Variants in WWC1 observed in about 807,000 individuals in gnomAD.
WWC1 encodes WW and C2 domain containing 1.
A neutral mutation model predicts 138.4 loss-of-function variants in WWC1; 55 were observed. The ratio of observed to expected loss-of-function variants is 0.40; its 90% CI spans 0.32 to 0.50. The LOEUF is 0.50. Ranked by LOEUF, WWC1 falls within the 20% of genes least tolerant of loss-of-function variation. The pLI is 0.72. For synonymous variants in WWC1, 524 were observed against 564.9 expected (o/e 0.93, Z 1.03); for missense variants, 1,226 against 1,420.4 (o/e 0.86, Z 2.20).
At chr5:168,316,859 G>GA (rs1250048288) in intron 1 of WWC1, 1 of 152,166 alleles carries the variant, frequency 6.6e-6, no homozygotes, top group Non-Finnish European at 1.5e-5. Flanking sequence ...TTCTTTATGA[G>GA]AATGTTGTTT....
intron 3 of WWC1, among the ~76,000 whole-genome samples, chr5:168,390,366 G>A (rs1014470216): frequency 6.6e-6 from 1 of 152,122 alleles, no homozygotes; most frequent in Non-Finnish European, 1.5e-5. Flanking sequence ...TCAAAGGAAG[G>A]AAGTAAACAA....
chr5:168,371,884 A>G (rs919775001), intron 2 of WWC1, among the ~76,000 whole-genome samples: 1 of 152,132 alleles, frequency 6.6e-6, no homozygotes, highest in Non-Finnish European at 1.5e-5. Flanking sequence ...ATATATTTAC[A>G]TATGTAAATT....
At chr5:168,344,606 T>C (rs1774319692) in intron 1 of WWC1, among the ~76,000 whole-genome samples, 1 of 152,134 alleles carries the variant, frequency 6.6e-6, no homozygotes, top group Admixed American at 6.6e-5. Context: ...GATGAAACAG[T>C]AGATGGGAAA....
chr5:168,439,610 A>G (rs982211521), intron 15 of WWC1, among the ~76,000 whole-genome samples: 5 of 151,224 alleles, frequency 3.3e-5, no homozygotes, highest in Non-Finnish European at 4.4e-5. Flanking sequence ...AGCCTCGGCA[A>G]CAAGAGCAAA....
chr5:168,387,657 C>T (rs1778146445), intron 3 of WWC1, among the ~76,000 whole-genome samples: 1 of 152,136 alleles, frequency 6.6e-6, no homozygotes, highest in Admixed American at 6.5e-5. Flanking sequence ...CAGACAACTG[C>T]CTTCTCTAGT....
chr5:168,467,221 A>G (rs576872304), intron 21 of WWC1, among the ~76,000 whole-genome samples: 8 of 152,302 alleles, frequency 5.3e-5, no homozygotes, highest in Non-Finnish European at 8.8e-5. Flanking sequence ...TTGCGCCCCT[A>G]CACTCCAGCC....
intron 11 of WWC1, among the ~76,000 whole-genome samples, chr5:168,425,217 G>A (rs1411699244): frequency 6.6e-6 from 1 of 151,696 alleles, no homozygotes; most frequent in Admixed American, 6.6e-5. Context: ...TCATGCCTTA[G>A]GCTGGGAGGC....
chr5:168,320,531 G>A (rs1771980317), intron 1 of WWC1, among the ~76,000 whole-genome samples: 1 of 152,174 alleles, frequency 6.6e-6, no homozygotes. Context: ...AATGGGATAA[G>A]TGACCTAATC....
At chr5:168,387,744 C>G (rs1778153237) in intron 3 of WWC1, among the ~76,000 whole-genome samples, 1 of 152,120 alleles carries the variant, frequency 6.6e-6, no homozygotes, top group African/African-American at 2.4e-5. Flanking sequence ...ACTATTTCCC[C>G]AAAGCCTCAT....
rs191227709 is a variant in WWC1, at chr5:168,408,423, A to G, written c.721-84A>G. ...ACAGGTTCCTAAATTAAGGGAGGGTAGAGAGGGAAGCACAGGGAGCGTGGC... is the reference window on the plus strand; with the variant it reads ...ACAGGTTCCTAAATTAAGGGAGGGTGGAGAGGGAAGCACAGGGAGCGTGGC... On this transcript the variant is annotated intron_variant, in intron 6 of 22. Coordinates refer to ENST00000265293, the MANE Select transcript of WWC1 (RefSeq NM_015238.3). 33 of 1,503,194 alleles carry G rather than the reference A, an allele frequency of 2.2e-5. No individual in the cohort carries two copies. The African/African-American group carries it at 4.3e-4, about 19-fold the overall frequency. The allele number at this position is 1,503,194 out of a possible 1,614,324, so 93.1% of individuals were successfully genotyped here.
Position 168,380,085 on chromosome 5 carries a change from C to A in WWC1, c.230-5126C>A, listed in dbSNP as rs530938484. Among the ~76,000 whole-genome samples, 3 of 152,264 alleles carry A rather than the reference C, an allele frequency of 2.0e-5. No individual in the cohort carries two copies. In the South Asian group the frequency reaches 6.2e-4, roughly 32 times the overall value. Reference sequence around the variant, plus strand: ...AAAAGACAAGCCACAGATAAGGAGACAATATTGCAATACATATCTCTAACA... The same window carrying A: ...AAAAGACAAGCCACAGATAAGGAGAAAATATTGCAATACATATCTCTAACA... On this transcript the variant is annotated intron_variant, in intron 2 of 22. Coordinates refer to ENST00000265293, the MANE Select transcript of WWC1 (RefSeq NM_015238.3).
At position 168,311,917 on chromosome 5, in the gene WWC1, C is replaced by T. The variant is rs187657101; in HGVS notation, c.119+19646C>T. Reference sequence around the variant, plus strand: ...TACAAAAATTAGCCGGGCATGGTGGCGCACACCTGTAATCCCAGCTACTCA... The same window carrying T: ...TACAAAAATTAGCCGGGCATGGTGGTGCACACCTGTAATCCCAGCTACTCA... On this transcript the variant is annotated intron_variant, in intron 1 of 22. Transcript: ENST00000265293. Among the ~76,000 whole-genome samples the T allele has an allele frequency of 5.3e-5, 8 of 150,776 alleles. No individual in the cohort carries two copies. The East Asian group carries it at 1.4e-3, about 26-fold the overall frequency.
chr5:168,366,883 C>T (rs140641787), intron 1 of WWC1, among the ~76,000 whole-genome samples: 4,732 of 146,308 alleles, frequency 0.032, 281 homozygotes, highest in African/African-American at 0.11. Context: ...CTGCAGCCTC[C>T]GCCTCCCAGG....
chr5:168,351,220 A>G (rs958764082), intron 1 of WWC1, among the ~76,000 whole-genome samples: 17 of 152,224 alleles, frequency 1.1e-4, no homozygotes, highest in Admixed American at 2.0e-4. Flanking sequence ...CTCTTAGTTA[A>G]CAAAGGAGCC....
intron 6 of WWC1, among the ~76,000 whole-genome samples, chr5:168,407,353 T>C (rs1779873708): frequency 6.6e-6 from 1 of 152,200 alleles, no homozygotes; most frequent in South Asian, 2.1e-4. Flanking sequence ...GAGAGGAAGC[T>C]AGAGCGGTGA....
At chr5:168,305,323 C>T (rs926909657) in intron 1 of WWC1, among the ~76,000 whole-genome samples, 2 of 152,094 alleles carry the variant, frequency 1.3e-5, no homozygotes, top group Admixed American at 1.3e-4. Context: ...CTCTGAACCT[C>T]CACACTCCCT....
Position 168,428,765 on chromosome 5 carries a change from AC to A in WWC1, c.1981del (p.Arg661GlufsTer6). The A allele has an allele frequency of 6.2e-7, 1 of 1,613,874 alleles. No individual in the cohort carries two copies. Among genetic ancestry groups the A allele is most frequent in the Non-Finnish European group, 8.5e-7 (1 of 1,179,902 alleles). On this transcript the variant is annotated frameshift_variant, in exon 13 of 23. Coordinates refer to ENST00000265293, the MANE Select transcript of WWC1 (RefSeq NM_015238.3). LOFTEE classifies it high-confidence loss of function. Reference protein sequence around the residue: ...DSDESEAVGATRIQIALKYDE... With the variant: ...DSDESEAVGAXRIQIALKYDE... The stretch of plus-strand genomic sequence containing the variant: ...TGACGAATCGGAAGCAGTGGGTGCG[AC>A]CCGAATTCAGATTGCCCTGAAGTAA...
At chr5:168,296,050 C>T (rs544253522) in intron 1 of WWC1, among the ~76,000 whole-genome samples, 10 of 152,184 alleles carry the variant, frequency 6.6e-5, no homozygotes, top group Non-Finnish European at 1.3e-4. Flanking sequence ...GCTCCTTTTG[C>T]GGAGTAACTC....
intron 1 of WWC1, among the ~76,000 whole-genome samples, chr5:168,324,956 C>T (rs1032854592): frequency 2.0e-5 from 3 of 152,146 alleles, no homozygotes; most frequent in Admixed American, 6.5e-5. Flanking sequence ...AATGTGTAGA[C>T]ACCTAGTAGC....
Sources: allele counts gnomAD v4.1 joint callset (sites outside exome capture counted in the v4.1 genomes callset), GRCh38; gene constraint gnomAD v4.1.1; transcripts MANE v1.5; gene names NCBI Gene and HGNC (gene_info 2026-07-23, HGNC 2026-07-21).